The following GRIP1 variants were observed in gnomAD, a reference collection of about 807,000 sequenced individuals.
GRIP1 encodes glutamate receptor-interacting protein 1.
GRIP1 carries 45 observed loss-of-function variants against 129.9 expected under a neutral mutation model. That is an observed-to-expected ratio of 0.35 (90% CI 0.27 to 0.44). The LOEUF is 0.44. Ranked by LOEUF, GRIP1 falls within the 20% of genes least tolerant of loss-of-function variation. GRIP1 has a pLI of 1.00. For missense variants in GRIP1, 1,196 were observed against 1,396.8 expected (o/e 0.86, Z 2.29); for synonymous variants, 530 against 520.8 (o/e 1.02, Z -0.24).
intron 1 of GRIP1, among the ~76,000 whole-genome samples, chr12:66,622,636 T>A (rs1038256086): frequency 6.6e-6 from 1 of 152,124 alleles, no homozygotes; most frequent in East Asian, 1.9e-4. Context: ...TTCCAATTGA[T>A]CTTAAGGTCC....
intron 1 of GRIP1, among the ~76,000 whole-genome samples, chr12:66,942,183 C>G (rs945481945): frequency 6.6e-6 from 1 of 152,186 alleles, no homozygotes; most frequent in Non-Finnish European, 1.5e-5. Context: ...GGAATTTATG[C>G]AAGGTCTCCA....
intron 14 of GRIP1, among the ~76,000 whole-genome samples, chr12:66,421,298 C>T (rs186791099): frequency 1.5e-3 from 230 of 152,260 alleles, no homozygotes; most frequent in Admixed American, 6.7e-3. Flanking sequence ...AATCCTAGCA[C>T]TTTGAGAGGC....
At chr12:66,714,956 T>C (rs1703618812) in intron 1 of GRIP1, among the ~76,000 whole-genome samples, 1 of 150,186 alleles carries the variant, frequency 6.7e-6, no homozygotes, top group African/African-American at 2.5e-5. Flanking sequence ...ATCCAATCCA[T>C]TTATACATCC....
In GRIP1 at chr12:66,445,101, C is replaced by T. The variant is rs192473740; in HGVS notation, c.1541+221G>A. On this transcript the variant is annotated intron_variant, in intron 12 of 24. Coordinates refer to ENST00000359742, the MANE Select transcript of GRIP1 (RefSeq NM_001366722.1). ...TTTTTCTCCTTTTTAATTAATATAG[C>T]TTCTAGTCCCTTGATGGACAAAATC... 4.8e-3 allele frequency among the ~76,000 whole-genome samples: 731 copies of T among 152,302 alleles called. 6 individuals carry two copies. Among genetic ancestry groups the T allele is most frequent in the Non-Finnish European group, 7.5e-3 (510 of 68,030 alleles).
chr12:66,488,082 T>G (rs879837432), intron 7 of GRIP1, among the ~76,000 whole-genome samples: 1 of 152,056 alleles, frequency 6.6e-6, no homozygotes, highest in Non-Finnish European at 1.5e-5. Context: ...AGATAGAAAA[T>G]TAGTGAAGAT....
At chr12:66,618,628 T>C (rs2065142446) in intron 1 of GRIP1, among the ~76,000 whole-genome samples, 1 of 152,174 alleles carries the variant, frequency 6.6e-6, no homozygotes, top group African/African-American at 2.4e-5. Context: ...TTAAAATATC[T>C]TTTGCAACTT....
At chr12:66,784,094 C>T (rs1382066595) in intron 1 of GRIP1, among the ~76,000 whole-genome samples, 1 of 151,938 alleles carries the variant, frequency 6.6e-6, no homozygotes, top group East Asian at 1.9e-4. Context: ...ACGAGAAGGC[C>T]TCCAATTTAA....
At chr12:66,649,944 C>G (rs774573760) in intron 1 of GRIP1, among the ~76,000 whole-genome samples, 1 of 152,154 alleles carries the variant, frequency 6.6e-6, no homozygotes, top group South Asian at 2.1e-4. Flanking sequence ...GCTATTGTAT[C>G]TATTTTACAG....
rs1592835700 is a variant in GRIP1 at position 66,777,297 on chromosome 12, C to T, written c.-420+26756G>A. On this transcript the variant is annotated intron_variant, in intron 1 of 4. Coordinates refer to the GRIP1 transcript ENST00000538373. ...GCTCCTCAAATGTGACAGGTACCCTCCCAACTTGGTCTTGGTGCTGCCCTC... is the reference window on the plus strand; with the variant it reads ...GCTCCTCAAATGTGACAGGTACCCTTCCAACTTGGTCTTGGTGCTGCCCTC... Among the ~76,000 whole-genome samples the T allele has an allele frequency of 2.0e-5, 3 of 152,198 alleles. No homozygotes were observed. In the East Asian group the frequency reaches 5.8e-4, roughly 29 times the overall value.
At chr12:66,610,911 G>A (rs1163933889) in intron 1 of GRIP1, among the ~76,000 whole-genome samples, 1 of 152,144 alleles carries the variant, frequency 6.6e-6, no homozygotes, top group Non-Finnish European at 1.5e-5. Context: ...ATGCATTTGT[G>A]TGCAGATCTA....
At chr12:66,406,639 AT>A (rs1265748535) in intron 15 of GRIP1, among the ~76,000 whole-genome samples, 1 of 152,162 alleles carries the variant, frequency 6.6e-6, no homozygotes, top group Non-Finnish European at 1.5e-5. Context: ...TATTAAAAAC[AT>A]TTTTTCTTAT....
chr12:67,043,231 A>G (rs1204982588), intron 1 of GRIP1, among the ~76,000 whole-genome samples: 2 of 152,182 alleles, frequency 1.3e-5, no homozygotes, highest in African/African-American at 4.8e-5. Context: ...AAAGCCACGA[A>G]TTAAGTATTC....
intron 1 of GRIP1, among the ~76,000 whole-genome samples, chr12:66,684,299 C>T (rs1011233805): frequency 6.6e-5 from 10 of 152,184 alleles, no homozygotes; most frequent in African/African-American, 1.2e-4. Flanking sequence ...AAGTAAAACG[C>T]ACCCTTTTCC....
At chr12:66,758,220 A>ATT (rs1280945668) in intron 1 of GRIP1, among the ~76,000 whole-genome samples, 11 of 152,178 alleles carry the variant, frequency 7.2e-5, no homozygotes, top group Non-Finnish European at 1.5e-4. Flanking sequence ...AGGCCTCAGA[A>ATT]TTATGGTGGG....
chr12:66,600,364 A>G (rs913154063), intron 1 of GRIP1, among the ~76,000 whole-genome samples: 5 of 152,242 alleles, frequency 3.3e-5, no homozygotes, highest in African/African-American at 1.2e-4. Context: ...ACGAACAAAA[A>G]AAAGGTCAAA....
chr12:67,003,586 G>A (rs939033728), intron 1 of GRIP1, among the ~76,000 whole-genome samples: 11 of 151,962 alleles, frequency 7.2e-5, no homozygotes, highest in African/African-American at 2.2e-4. Flanking sequence ...CCAGCTACTC[G>A]GGAGGCTGAG....
At position 66,583,146 on chromosome 12, in the gene GRIP1, A is replaced by G. The variant is rs1296728202; in HGVS notation, c.136+13701T>C. On this transcript the variant is annotated intron_variant, in intron 2 of 24. Coordinates refer to ENST00000359742, the MANE Select transcript of GRIP1 (RefSeq NM_001366722.1). ...ATCTTTGACAAACCTGAGAAAAACA[A>G]GCAATGGCGAAAGGATTCCCTATTT... Among the ~76,000 whole-genome samples, 7 of 151,924 alleles carry G rather than the reference A, an allele frequency of 4.6e-5. No homozygotes were observed. The East Asian group carries it at 1.4e-3, about 29-fold the overall frequency.
upstream of GRIP1, among the ~76,000 whole-genome samples, chr12:66,681,737 G>A (rs1203089259): frequency 6.6e-6 from 1 of 152,152 alleles, no homozygotes; most frequent in East Asian, 1.9e-4. Context: ...GAAGAAGAGT[G>A]AGTGAGCTAG....
chr12:66,536,272 C>T (rs959752500), intron 4 of GRIP1, among the ~76,000 whole-genome samples: 5 of 152,170 alleles, frequency 3.3e-5, no homozygotes, highest in African/African-American at 1.2e-4. Flanking sequence ...GCCAGAGAGC[C>T]TCTGAAAACA....
Sources: allele counts gnomAD v4.1 joint callset (sites outside exome capture counted in the v4.1 genomes callset), GRCh38; gene constraint gnomAD v4.1.1; transcripts MANE v1.5; gene names NCBI Gene and HGNC (gene_info 2026-07-23, HGNC 2026-07-21).